MDFIC: variants seen among roughly 807,000 people sequenced by gnomAD.
The protein encoded by MDFIC is MyoD family inhibitor domain containing.
A neutral mutation model predicts 23.2 loss-of-function variants in MDFIC; 17 were observed. That is an observed-to-expected ratio of 0.73 (90% confidence interval 0.50 to 1.10). The LOEUF is 1.10. Ranked by LOEUF, MDFIC falls within the 50% of genes least tolerant of loss-of-function variation. MDFIC has a pLI of 0.00. For synonymous variants in MDFIC, 120 were observed against 115.2 expected, an observed-to-expected ratio of 1.04 and a Z score of -0.27; for missense variants, 356 against 316.6, an observed-to-expected ratio of 1.12 and a Z score of -0.95.
At position 114,979,799 on chromosome 7, in the gene MDFIC, G is replaced by A. The variant is rs1392737145; in HGVS notation, c.493+18G>A. The A allele has an allele frequency of 6.2e-7, 1 of 1,608,396 alleles. No individual in the cohort carries two copies. Among genetic ancestry groups the A allele is most frequent in the East Asian group, 2.2e-5 (1 of 44,814 alleles). On this transcript the variant is annotated intron_variant, in intron 4 of 4. Coordinates refer to ENST00000393486, the MANE Select transcript of MDFIC (RefSeq NM_001166345.3). ...ACCTGAAGGTAAGTTTGAGATATAT[G>A]TAGATTTTATTTGACCAGATGTAAA...
intron 3 of MDFIC, among the ~76,000 whole-genome samples, chr7:114,958,980 T>A (rs956708765): frequency 2.0e-5 from 3 of 152,220 alleles, no homozygotes; most frequent in African/African-American, 7.2e-5. Flanking sequence ...GTCTTCAATT[T>A]TGTTTGTTTG....
At chr7:114,977,947 A>T (rs1373468099) in intron 3 of MDFIC, among the ~76,000 whole-genome samples, 1 of 148,000 alleles carries the variant, frequency 6.8e-6, no homozygotes, top group Non-Finnish European at 1.5e-5. Context: ...ATTATATAAT[A>T]ATTACATAAT....
intron 2 of MDFIC, chr7:114,923,524 T>C (rs375120216): frequency 2.0e-6 from 3 of 1,537,406 alleles, no homozygotes; most frequent in East Asian, 4.9e-5. Context: ...CCATTTCATC[T>C]TTCTGTTTCT....
intron 3 of MDFIC, among the ~76,000 whole-genome samples, chr7:114,969,525 G>A (rs923107552): frequency 1.3e-5 from 2 of 152,170 alleles, no homozygotes; most frequent in Non-Finnish European, 2.9e-5. Flanking sequence ...GCCCAGTATT[G>A]TCAAACTCTG....
intron 3 of MDFIC, among the ~76,000 whole-genome samples, chr7:114,944,377 ACT>A (rs1190624355): frequency 6.6e-6 from 1 of 152,062 alleles, no homozygotes; most frequent in Non-Finnish European, 1.5e-5. Flanking sequence ...GTGAAATCTG[ACT>A]CTGAATTTTG....
At chr7:114,939,153 CTA>C (rs1792491252) in intron 2 of MDFIC, among the ~76,000 whole-genome samples, 1 of 152,110 alleles carries the variant, frequency 6.6e-6, no homozygotes, top group Admixed American at 6.5e-5. Flanking sequence ...AATAGTAAGA[CTA>C]TATTAATAAA....
intron 4 of MDFIC, among the ~76,000 whole-genome samples, chr7:114,983,209 A>G (rs191598731): frequency 4.7e-4 from 71 of 152,320 alleles, no homozygotes; most frequent in Non-Finnish European, 8.7e-4. Context: ...AAAATTCTCA[A>G]AGCAGCTAAT....
intron 4 of MDFIC, among the ~76,000 whole-genome samples, chr7:114,991,820 A>C (rs1361115575): frequency 6.6e-6 from 1 of 152,052 alleles, no homozygotes; most frequent in Non-Finnish European, 1.5e-5. Flanking sequence ...TTAGGATTGT[A>C]TTGGCAATGT....
intron 3 of MDFIC, among the ~76,000 whole-genome samples, chr7:114,962,343 A>G (rs1793009897): frequency 6.6e-6 from 1 of 152,216 alleles, no homozygotes; most frequent in Admixed American, 6.5e-5. Flanking sequence ...ACCACTTGCA[A>G]TTTGTAAACC....
intron 4 of MDFIC, among the ~76,000 whole-genome samples, chr7:115,004,696 T>C (rs999400884): frequency 4.6e-5 from 7 of 152,236 alleles, no homozygotes; most frequent in African/African-American, 1.4e-4. Context: ...CAGGCTCCTA[T>C]GCTGGTTAGG....
intron 2 of MDFIC, among the ~76,000 whole-genome samples, chr7:114,929,523 G>A (rs966893069): frequency 4.6e-5 from 7 of 152,152 alleles, no homozygotes; most frequent in African/African-American, 1.7e-4. Context: ...TCGCCTAGCC[G>A]GTGGTTGGGT....
rs192137852 is a variant in MDFIC at position 115,011,259 on chromosome 7, C to T, written c.494-4429C>T. Among the ~76,000 whole-genome samples, 141 of 152,022 alleles carry T rather than the reference C, an allele frequency of 9.3e-4. 1 individual carries two copies. Among genetic ancestry groups the T allele is most frequent in the African/African-American group, 3.2e-3 (133 of 41,462 alleles). On this transcript the variant is annotated intron_variant, in intron 4 of 4. Coordinates refer to ENST00000393486, the MANE Select transcript of MDFIC (RefSeq NM_001166345.3). Reference sequence around the variant, plus strand: ...TGCATTGGTAAAATAGGCATAATACCGGTATGACTTCTTAGGAGTATTATT... The same window carrying T: ...TGCATTGGTAAAATAGGCATAATACTGGTATGACTTCTTAGGAGTATTATT...
chr7:114,951,454 A>G (rs948368071), intron 3 of MDFIC, among the ~76,000 whole-genome samples: 13 of 152,208 alleles, frequency 8.5e-5, no homozygotes, highest in South Asian at 2.1e-4. Context: ...AAAAAAAGAC[A>G]TATGTCAGTG....
rs1792245828 is a variant in MDFIC, at chr7:114,928,739, C to T, written c.94+5612C>T. On this transcript the variant is annotated intron_variant, in intron 2 of 4. Transcript: ENST00000393486. ...CTTAAGAAGAAAAGGACAGGAACCA[C>T]TTGTGTTTTTAGGAAAACTGTTCTG... Among the ~76,000 whole-genome samples, 2 of 152,080 alleles carry T rather than the reference C, an allele frequency of 1.3e-5. 1 individual carries two copies. Among genetic ancestry groups the T allele is most frequent in the Admixed American group, 1.3e-4 (2 of 15,264 alleles).
intron 2 of MDFIC, among the ~76,000 whole-genome samples, chr7:114,930,035 G>A (rs1297047145): frequency 6.6e-6 from 1 of 152,192 alleles, no homozygotes; most frequent in African/African-American, 2.4e-5. Flanking sequence ...TTTTCTGAGA[G>A]CAAAGGAGGT....
chr7:114,958,516 A>G (rs1053961394), intron 3 of MDFIC, among the ~76,000 whole-genome samples: 2 of 152,234 alleles, frequency 1.3e-5, no homozygotes, highest in South Asian at 4.1e-4. Flanking sequence ...TTTGGGAGGC[A>G]GAGGCAGGCG....
intron 3 of MDFIC, among the ~76,000 whole-genome samples, chr7:114,958,990 G>C (rs1307318727): frequency 1.3e-5 from 2 of 152,136 alleles, no homozygotes; most frequent in Admixed American, 6.5e-5. Context: ...TTGTTTGTTT[G>C]TGTTATGACA....
Position 114,922,941 on chromosome 7 carries a change from C to G in MDFIC, c.-93C>G. ...TTTTCCGCCAGAAGCAGTCAGTTCC[C>G]TGCACCCAGCACCTCACAGCCCTTC... On this transcript the variant is annotated 5_prime_UTR_variant, in exon 2 of 5. Transcript: ENST00000393486. The G allele has an allele frequency of 1.3e-6, 2 of 1,592,598 alleles. No homozygotes were observed. The highest frequency in any genetic ancestry group is 2.2e-5 in the South Asian group (2 of 89,646).
intron 4 of MDFIC, among the ~76,000 whole-genome samples, chr7:114,987,901 G>A (rs1234143173): frequency 1.3e-5 from 2 of 152,038 alleles, no homozygotes; most frequent in African/African-American, 4.8e-5. Context: ...TTAAAGTTTA[G>A]GAAAATAAGT....
Sources: allele counts gnomAD v4.1 joint callset (sites outside exome capture counted in the v4.1 genomes callset), GRCh38; gene constraint gnomAD v4.1.1; transcripts MANE v1.5; gene names NCBI Gene and HGNC (gene_info 2026-07-23, HGNC 2026-07-21).